The following TMOD2 variants were observed in gnomAD, a reference collection of about 807,000 sequenced individuals.
The protein encoded by TMOD2 is tropomodulin-2.
In TMOD2, 22 loss-of-function variants were observed where a neutral mutation model predicts 39.9. The observed-to-expected ratio is 0.55, with a 90% CI of 0.39 to 0.79. The LOEUF (loss-of-function observed/expected upper bound fraction) is 0.79. TMOD2 is among the 30% of genes least tolerant of loss of function. The pLI is 0.00. For synonymous variants in TMOD2, 123 were observed against 146.1 expected (o/e 0.84, Z 1.14); for missense variants, 386 against 413.3 (o/e 0.93, Z 0.57).
chr15:51,770,113 T>C (rs1340845506), intron 3 of TMOD2, among the ~76,000 whole-genome samples: 3 of 152,172 alleles, frequency 2.0e-5, no homozygotes, highest in Non-Finnish European at 2.9e-5. Flanking sequence ...AAAGTAGATA[T>C]AGCCTCCATC....
At chr15:51,773,395 G>A (rs2055866380) in intron 3 of TMOD2, among the ~76,000 whole-genome samples, 1 of 152,222 alleles carries the variant, frequency 6.6e-6, no homozygotes. Flanking sequence ...ACGACTCAGG[G>A]CAGGGCCTCT....
rs771354231 is a variant in TMOD2, at chr15:51,803,168, C to CTT, written c.877-3187_877-3186dup. 3.2e-3 allele frequency among the ~76,000 whole-genome samples: 308 copies of CTT among 95,194 alleles called. 9 individuals are homozygous for CTT. The highest frequency in any genetic ancestry group is 7.2e-3 in the East Asian group (23 of 3,214). The allele number at this position is 95,194 out of a possible 152,430, so 62.5% of individuals were successfully genotyped here. ...AAATTAAATTGGGTCTCTATATCTT[C>CTT]TTTTTTTTTTTTTTTTTTTTTTTCT... On this transcript the variant is annotated intron_variant, in intron 8 of 9. Transcript: ENST00000249700.
intron 7 of TMOD2, among the ~76,000 whole-genome samples, chr15:51,792,557 A>T (rs754703900): frequency 2.0e-5 from 3 of 152,228 alleles, no homozygotes; most frequent in Non-Finnish European, 4.4e-5. Context: ...ATAAAGACAC[A>T]TGCACACATA....
intron 1 of TMOD2, among the ~76,000 whole-genome samples, chr15:51,759,799 A>G (rs927796736): frequency 1.3e-5 from 2 of 152,220 alleles, no homozygotes; most frequent in Admixed American, 1.3e-4. Flanking sequence ...GAGGCTATTT[A>G]CAAAGATGGG....
chr15:51,773,275 T>C (rs2055865275), intron 3 of TMOD2, among the ~76,000 whole-genome samples: 1 of 152,146 alleles, frequency 6.6e-6, no homozygotes. Flanking sequence ...AAGTGTGGTA[T>C]AGAAAGTGGC....
chr15:51,757,340 T>G (rs926242264), intron 1 of TMOD2, among the ~76,000 whole-genome samples: 28 of 140,218 alleles, frequency 2.0e-4, no homozygotes, highest in Non-Finnish European at 3.0e-4. Context: ...AGGCAGAGCT[T>G]GCAGTGAACG....
intron 1 of TMOD2, among the ~76,000 whole-genome samples, chr15:51,763,933 A>T (rs146228923): frequency 4.3e-4 from 65 of 152,326 alleles, no homozygotes; most frequent in African/African-American, 1.4e-3. Context: ...CATTTGATGG[A>T]TAAGGGCCTG....
At chr15:51,781,821 A>AGTGT (rs145808079) in intron 6 of TMOD2, among the ~76,000 whole-genome samples, 11,058 of 149,486 alleles carry the variant, frequency 0.074, 461 homozygotes, top group Middle Eastern at 0.14. Flanking sequence ...AGAGAGAGAG[A>AGTGT]GAGTGTGTGT....
chr15:51,780,287 C>T (rs761130003), intron 5 of TMOD2, among the ~76,000 whole-genome samples: 5 of 152,170 alleles, frequency 3.3e-5, no homozygotes, highest in Non-Finnish European at 5.9e-5. Context: ...TAGAGGAGTA[C>T]GAAGATGCTT....
At chr15:51,761,626 C>G (rs567652361) in intron 1 of TMOD2, among the ~76,000 whole-genome samples, 1 of 151,528 alleles carries the variant, frequency 6.6e-6, no homozygotes, top group East Asian at 1.9e-4. Flanking sequence ...CCCAGCTACT[C>G]GAGGGACTGA....
intron 7 of TMOD2, among the ~76,000 whole-genome samples, chr15:51,797,223 G>A (rs775321370): frequency 6.6e-6 from 1 of 152,176 alleles, no homozygotes; most frequent in Non-Finnish European, 1.5e-5. Flanking sequence ...GTGAAGGTCT[G>A]GAGGCGCCTC....
At chr15:51,775,766 C>T (rs944194855) in intron 4 of TMOD2, among the ~76,000 whole-genome samples, 6 of 151,696 alleles carry the variant, frequency 4.0e-5, no homozygotes, top group Non-Finnish European at 8.8e-5. Flanking sequence ...TTTGTAGAGA[C>T]GGGGCTTCGC....
At chr15:51,778,550 G>A (rs1391677424) in intron 5 of TMOD2, among the ~76,000 whole-genome samples, 1 of 148,196 alleles carries the variant, frequency 6.7e-6, no homozygotes, top group Non-Finnish European at 1.5e-5. Context: ...CTGCCCAAGG[G>A]AATTTATCTG....
At chr15:51,754,293 G>A (rs192544736) in intron 1 of TMOD2, among the ~76,000 whole-genome samples, 1 of 152,256 alleles carries the variant, frequency 6.6e-6, no homozygotes, top group Admixed American at 6.5e-5. Context: ...TTTTATTTTG[G>A]GTTAGGGTAG....
intron 7 of TMOD2, among the ~76,000 whole-genome samples, chr15:51,791,128 C>T (rs2056008666): frequency 1.3e-5 from 2 of 152,166 alleles, no homozygotes; most frequent in Non-Finnish European, 2.9e-5. Context: ...CCCAAAATCT[C>T]CTTAAGCTGA....
chr15:51,801,231 TCTCTCTCACACA>T lies in TMOD2; in HGVS notation c.876+2893_876+2904del, dbSNP rs1451013292. On this transcript the variant is annotated intron_variant, in intron 8 of 9. Transcript: ENST00000249700. ...CATTCTCTCTCCCTCTCTCTCTCTC[TCTCTCTCACACA>T]CACACACACACACACACACACACAC... is the stretch of plus-strand genomic sequence containing the variant. Among the ~76,000 whole-genome samples the T allele has an allele frequency of 7.6e-3, 742 of 97,360 alleles. 1 individual carries two copies. Among genetic ancestry groups the T allele is most frequent in the African/African-American group, 0.016 (320 of 20,146 alleles). 63.9% of individuals were successfully genotyped at this position (97,360 alleles called of 152,430 possible). A position where few individuals can be genotyped will look rare whatever the true frequency, so the allele number is the denominator to read the frequency against.
intron 6 of TMOD2, among the ~76,000 whole-genome samples, chr15:51,782,512 A>G (rs748919948): frequency 6.6e-6 from 1 of 152,216 alleles, no homozygotes; most frequent in African/African-American, 2.4e-5. Context: ...GAGGTACCAT[A>G]GTGGTAGTTT....
At chr15:51,789,398 C>G (rs555492116) in intron 7 of TMOD2, among the ~76,000 whole-genome samples, 9 of 152,166 alleles carry the variant, frequency 5.9e-5, no homozygotes, top group South Asian at 2.1e-4. Context: ...TAGACTCCCA[C>G]ACGATAATAA....
chr15:51,804,221 CTAAA>C (rs1157197603), intron 8 of TMOD2, among the ~76,000 whole-genome samples: 2 of 152,126 alleles, frequency 1.3e-5, no homozygotes, highest in African/African-American at 4.8e-5. Context: ...TAAGGCCTGG[CTAAA>C]TACACTATGA....
Sources: gnomAD v4.1 joint callset for allele counts (sites outside exome capture counted in the v4.1 genomes callset) on GRCh38, gnomAD v4.1.1 for gene constraint, MANE v1.5 for transcripts, NCBI Gene and HGNC (gene_info 2026-07-23, HGNC 2026-07-21) for gene names.